MINAR1: variants seen among roughly 807,000 people sequenced by gnomAD.
The protein encoded by MINAR1 is major intrinsically disordered Notch2-binding receptor 1.
MINAR1 carries 40 observed loss-of-function variants against 65.1 expected under a neutral mutation model. The ratio of observed to expected loss-of-function variants is 0.61; its 90% CI spans 0.48 to 0.80. MINAR1 has a LOEUF of 0.80. Among genes scored for constraint, MINAR1 ranks in the 30% least tolerant of loss-of-function variants. The pLI, the probability that MINAR1 is intolerant of heterozygous loss-of-function variation, is 0.00. For missense variants in MINAR1, 1,128 were observed against 1,148.0 expected, an observed-to-expected ratio of 0.98 and a Z score of 0.25; for synonymous variants, 482 against 449.1, an observed-to-expected ratio of 1.07 and a Z score of -0.93.
At chr15:79,437,694 AGT>A (rs1277832089) in intron 1 of MINAR1, among the ~76,000 whole-genome samples, 1 of 19,294 alleles carries the variant, frequency 5.2e-5, no homozygotes. Context: ...GTGGGTAGTG[AGT>A]GTGTGGGGTG....
In MINAR1 at chr15:79,469,543, A is replaced by G. The variant is rs912115499; in HGVS notation, c.*1159A>G. ...TGTTTAACCACTTATCTATATGTCT[A>G]TCTATCTATCTATATGTCTATCTAT... On this transcript the variant is annotated 3_prime_UTR_variant, in exon 4 of 4. Transcript: ENST00000305428. The G allele has an allele frequency of 1.3e-5, 2 of 151,480 alleles. No individual in the cohort carries two copies. Among genetic ancestry groups the G allele is most frequent in the Admixed American group, 1.3e-4 (2 of 15,208 alleles). 9.4% of individuals were successfully genotyped at this position (151,480 alleles called of 1,614,324 possible).
chr15:79,458,430 T>A lies in MINAR1; in HGVS notation c.2283T>A (p.His761Gln). 6.2e-7 allele frequency: 1 copy of A among 1,610,548 alleles called. No individual in the cohort carries two copies. The highest frequency in any genetic ancestry group is 8.5e-7 in the Non-Finnish European group (1 of 1,178,028). The change falls in exon 2 of 4, where the codon CAT (histidine) becomes CAA (glutamine). Residue 761 changes from histidine (H) to glutamine (Q), a missense_variant. By Grantham distance (24) the His-to-Gln change is conservative. Transcript: ENST00000305428. ...GCCCAGGAGATAATAAAGACTGGCA[T>A]CGGAAATCTAAAGAGGTAATTTAAA... Reference protein sequence around the residue: ...DTGPGDNKDWHRKSKEADRQY... With the variant: ...DTGPGDNKDWQRKSKEADRQY...
At chr15:79,413,082 CT>C in the MINAR1 span, 5 of 152,186 alleles carry the variant, frequency 3.3e-5, no homozygotes, top group South Asian at 2.1e-4. Flanking sequence ...AGGACAGCAA[CT>C]TCAAAGACTG....
At position 79,469,068 on chromosome 15, in the gene MINAR1, T is replaced by G. The variant is rs1340893637; in HGVS notation, c.*684T>G. On this transcript the variant is annotated 3_prime_UTR_variant, in exon 4 of 4. Coordinates refer to ENST00000305428, the MANE Select transcript of MINAR1 (RefSeq NM_015206.3). The stretch of plus-strand genomic sequence containing the variant: ...TGGAATGAAGTATGCTCAGACTGCA[T>G]GATGGGCCAAGGTATTCAGGCCAGG... 1.3e-5 allele frequency: 2 copies of G among 153,504 alleles called. No individual in the cohort carries two copies. The allele number at this position is 153,504 out of a possible 1,614,324, so 9.5% of individuals were successfully genotyped here.
At chr15:79,436,114 G>A (rs1245851649) in intron 1 of MINAR1, among the ~76,000 whole-genome samples, 1 of 152,240 alleles carries the variant, frequency 6.6e-6, no homozygotes, top group Non-Finnish European at 1.5e-5. Context: ...GATTGAGGAT[G>A]ATGTGGAGCA....
At chr15:79,421,982 G>T in the MINAR1 span, 1,598 of 152,342 alleles carry the variant, frequency 0.01, 76 homozygotes, top group East Asian at 0.11. Context: ...TCAGCAGCCT[G>T]TTGTCAAGGT....
chr15:79,424,241 G>A, the MINAR1 span: 1 of 152,228 alleles, frequency 6.6e-6, no homozygotes, highest in African/African-American at 2.4e-5. Context: ...CAGACATTCA[G>A]ATAGAGAGAC....
chr15:79,458,371 G>A lies in MINAR1; in HGVS notation c.2224G>A (p.Val742Met). Residue 742 changes from valine to methionine, a missense_variant, in exon 2 of 4, where the codon GTG (valine) becomes ATG (methionine). By Grantham distance (21) the Val-to-Met change is conservative. Transcript: ENST00000305428. ...DWRTITYTNR[V>M]GLNEEEIKDT... ...GCGCACCATCACTTATACCAACCGT[G>A]TGGGCCTCAATGAGGAGGAGATAAA... 1 of 1,614,218 alleles carries A rather than the reference G, an allele frequency of 6.2e-7. No homozygotes were observed. The highest frequency in any genetic ancestry group is 8.5e-7 in the Non-Finnish European group (1 of 1,180,044).
intron 1 of MINAR1, among the ~76,000 whole-genome samples, chr15:79,441,160 TTTC>T (rs1463948824): frequency 6.6e-6 from 1 of 152,210 alleles, no homozygotes; most frequent in Non-Finnish European, 1.5e-5. Flanking sequence ...TTGCAAATCC[TTTC>T]TTCTTTATTT....
chr15:79,434,606 G>A (rs896405622), intron 1 of MINAR1, among the ~76,000 whole-genome samples: 22 of 152,204 alleles, frequency 1.4e-4, no homozygotes, highest in African/African-American at 4.6e-4. Flanking sequence ...GCTCCAGCCA[G>A]GTGGTAATAT....
chr15:79,449,596 C>A (rs535762980), intron 1 of MINAR1, among the ~76,000 whole-genome samples: 91 of 152,296 alleles, frequency 6.0e-4, no homozygotes, highest in African/African-American at 2.2e-3. Context: ...AGGGAGGAGC[C>A]CTTATGGCCT....
In MINAR1 at chr15:79,456,112, T is replaced by C. The variant is rs199651349; in HGVS notation, c.-36T>C. The C allele has an allele frequency of 4.4e-6, 7 of 1,591,392 alleles. No homozygotes were observed. Among genetic ancestry groups the C allele is most frequent in the Non-Finnish European group, 5.1e-6 (6 of 1,166,446 alleles). ...TGCCACCACAGAACTGACCTGAAGT[T>C]TCAGTGTAGTCAGAGAGCTCTTCAA... On this transcript the variant is annotated 5_prime_UTR_variant, in exon 2 of 4. Coordinates refer to ENST00000305428, the MANE Select transcript of MINAR1 (RefSeq NM_015206.3).
At chr15:79,462,066 C>T (rs1895663637) in intron 2 of MINAR1, among the ~76,000 whole-genome samples, 1 of 152,220 alleles carries the variant, frequency 6.6e-6, no homozygotes, top group African/African-American at 2.4e-5. Flanking sequence ...CTGAGATACA[C>T]AACTTCTTTG....
At chr15:79,465,966 G>GT (rs1187775589) in intron 3 of MINAR1, among the ~76,000 whole-genome samples, 1 of 152,118 alleles carries the variant, frequency 6.6e-6, no homozygotes, top group East Asian at 1.9e-4. Flanking sequence ...GGAAGAGGCG[G>GT]TCCAACAGTC....
At chr15:79,448,801 T>C (rs1337566) in intron 1 of MINAR1, among the ~76,000 whole-genome samples, 129,602 of 152,190 alleles carry the variant, frequency 0.85, 55,308 homozygotes, top group East Asian at 0.89. Flanking sequence ...ATGGAGTTGT[T>C]GGAAATGAAA....
rs1187750293 is a variant in MINAR1, at chr15:79,456,851, A to G, written c.704A>G (p.Gln235Arg). ...GACCAGGACTCCCTGCCCATCAATC[A>G]GAGCATCAAGGAGACCTTCATTTCC... ...ISDQDSLPIN[Q>R]SIKETFISNE... Residue 235 changes from glutamine to arginine, a missense_variant, in exon 2 of 4, where the codon CAG becomes CGG. Gln to Arg is a conservative substitution (Grantham distance 43). Transcript: ENST00000305428. 6.2e-7 allele frequency: 1 copy of G among 1,614,164 alleles called. No homozygotes were observed. Among genetic ancestry groups the G allele is most frequent in the Non-Finnish European group, 8.5e-7 (1 of 1,180,024 alleles).
At chr15:79,464,255 A>C (rs1483663812) in intron 3 of MINAR1, among the ~76,000 whole-genome samples, 1 of 152,256 alleles carries the variant, frequency 6.6e-6, no homozygotes, top group Admixed American at 6.5e-5. Flanking sequence ...AAATGGACAT[A>C]ATAATATCAA....
chr15:79,426,453 A>G, the MINAR1 span: 2 of 152,216 alleles, frequency 1.3e-5, no homozygotes, highest in Non-Finnish European at 2.9e-5. Flanking sequence ...AAATTTCACT[A>G]TGGCAGCTTC....
At chr15:79,449,618 C>A (rs920861156) in intron 1 of MINAR1, among the ~76,000 whole-genome samples, 1 of 152,212 alleles carries the variant, frequency 6.6e-6, no homozygotes, top group Non-Finnish European at 1.5e-5. Flanking sequence ...ATCACAATCA[C>A]CTGGGATGGT....
Sources: gnomAD v4.1 joint callset for allele counts (sites outside exome capture counted in the v4.1 genomes callset) on GRCh38, gnomAD v4.1.1 for gene constraint, MANE v1.5 for transcripts, NCBI Gene and HGNC (gene_info 2026-07-23, HGNC 2026-07-21) for gene names.